The following RCAN2 variants were observed in gnomAD, a reference collection of about 807,000 sequenced individuals.
The protein encoded by RCAN2 is calcipressin-2.
Under a neutral mutation model 23.6 loss-of-function variants are expected in RCAN2, and 9 were observed. The ratio of observed to expected loss-of-function variants is 0.38; its 90% CI spans 0.23 to 0.67. RCAN2 has a LOEUF of 0.67. Ranked by LOEUF, RCAN2 falls within the 30% of genes least tolerant of loss-of-function variation. The probability of loss-of-function intolerance (pLI) is 0.51; values close to 1 mark genes in which losing one functional copy is unlikely to be tolerated. For synonymous variants in RCAN2, 109 were observed against 115.7 expected (o/e 0.94, Z 0.37); for missense variants, 273 against 302.3 (o/e 0.90, Z 0.72).
intron 2 of RCAN2, among the ~76,000 whole-genome samples, chr6:46,273,322 T>C (rs1767577607): frequency 1.3e-5 from 2 of 152,226 alleles, no homozygotes; most frequent in Admixed American, 6.5e-5. Flanking sequence ...GTTTCATCCA[T>C]GAAAACATGT....
At chr6:46,432,955 A>G (rs1767257939) in intron 2 of RCAN2, among the ~76,000 whole-genome samples, 1 of 152,166 alleles carries the variant, frequency 6.6e-6, no homozygotes, top group African/African-American at 2.4e-5. Flanking sequence ...TCATTCCTGA[A>G]TCTTTAAGTA....
intron 4 of RCAN2, among the ~76,000 whole-genome samples, chr6:46,226,077 T>A (rs1765653650): frequency 6.6e-6 from 1 of 152,210 alleles, no homozygotes; most frequent in Non-Finnish European, 1.5e-5. Flanking sequence ...GTCAGGTTTG[T>A]CAAGGATCAG....
intron 2 of RCAN2, among the ~76,000 whole-genome samples, chr6:46,428,907 C>G (rs1447628611): frequency 6.6e-6 from 1 of 152,064 alleles, no homozygotes; most frequent in Non-Finnish European, 1.5e-5. Flanking sequence ...TGGTTTATAC[C>G]TTGTTATATT....
At chr6:46,349,150 T>A (rs1764574995) in intron 2 of RCAN2, among the ~76,000 whole-genome samples, 1 of 152,222 alleles carries the variant, frequency 6.6e-6, no homozygotes, top group South Asian at 2.1e-4. Flanking sequence ...TCACAGCTTT[T>A]ATTGTGCATT....
intron 2 of RCAN2, among the ~76,000 whole-genome samples, chr6:46,399,993 G>C (rs1164712474): frequency 6.6e-6 from 1 of 152,176 alleles, no homozygotes; most frequent in African/African-American, 2.4e-5. Context: ...GCACTCATGT[G>C]TCTCACAGAT....
intron 1 of RCAN2, among the ~76,000 whole-genome samples, chr6:46,485,513 AG>A: frequency 6.6e-6 from 1 of 152,316 alleles, no homozygotes; most frequent in East Asian, 1.9e-4. Flanking sequence ...CATATGTCCA[AG>A]AAAAAAAACA....
At chr6:46,336,105 C>T (rs1764132485) in intron 2 of RCAN2, among the ~76,000 whole-genome samples, 2 of 152,190 alleles carry the variant, frequency 1.3e-5, no homozygotes, top group South Asian at 4.1e-4. Context: ...AACACATCTG[C>T]ACTTTGGAAA....
chr6:46,410,326 C>A (rs1395647771), intron 2 of RCAN2, among the ~76,000 whole-genome samples: 1 of 152,176 alleles, frequency 6.6e-6, no homozygotes, highest in Non-Finnish European at 1.5e-5. Flanking sequence ...CCCACTCATT[C>A]ATCCATCTAT....
At chr6:46,334,069 C>T (rs1764066986) in intron 2 of RCAN2, among the ~76,000 whole-genome samples, 1 of 152,198 alleles carries the variant, frequency 6.6e-6, no homozygotes, top group African/African-American at 2.4e-5. Context: ...AACACTATTC[C>T]CATCATTGTG....
At chr6:46,458,900 T>C (rs9381453) in intron 1 of RCAN2, among the ~76,000 whole-genome samples, 2,276 of 119,402 alleles carry the variant, frequency 0.019, 54 homozygotes, top group African/African-American at 0.059. Flanking sequence ...CGCGCACGTG[T>C]GTGTGTGTGT....
At chr6:46,378,785 C>G (rs1034391931) in intron 2 of RCAN2, among the ~76,000 whole-genome samples, 1 of 152,158 alleles carries the variant, frequency 6.6e-6, no homozygotes, top group Admixed American at 6.5e-5. Context: ...ATTAAAGACA[C>G]TAAACCCAGA....
chr6:46,235,121 G>T (rs1302872139), intron 4 of RCAN2, among the ~76,000 whole-genome samples: 1 of 152,184 alleles, frequency 6.6e-6, no homozygotes, highest in Non-Finnish European at 1.5e-5. Flanking sequence ...GTATGATTAT[G>T]CAAAGTTTAT....
intron 2 of RCAN2, among the ~76,000 whole-genome samples, chr6:46,261,885 C>T (rs1453574146): frequency 9.2e-5 from 14 of 152,164 alleles, no homozygotes; most frequent in Non-Finnish European, 1.5e-5. Flanking sequence ...GGGTAATTGC[C>T]TTCAATCCTT....
intron 2 of RCAN2, among the ~76,000 whole-genome samples, chr6:46,341,248 C>A (rs1477956314): frequency 6.6e-6 from 1 of 152,156 alleles, no homozygotes; most frequent in African/African-American, 2.4e-5. Flanking sequence ...GCAGAGCCAT[C>A]AAATGACTTG....
At chr6:46,421,845 T>C (rs922525706) in intron 2 of RCAN2, among the ~76,000 whole-genome samples, 3 of 152,140 alleles carry the variant, frequency 2.0e-5, no homozygotes, top group African/African-American at 7.2e-5. Context: ...ACTCAATAAA[T>C]GGCTAATGAA....
chr6:46,443,065 T>C (rs6907686), intron 2 of RCAN2, among the ~76,000 whole-genome samples: 2,828 of 152,284 alleles, frequency 0.019, 80 homozygotes, highest in African/African-American at 0.065. Context: ...CAGAGTACAA[T>C]GATATGCCCT....
intron 1 of RCAN2, among the ~76,000 whole-genome samples, chr6:46,484,345 T>C (rs779706855): frequency 6.6e-6 from 1 of 152,214 alleles, no homozygotes; most frequent in Non-Finnish European, 1.5e-5. Flanking sequence ...GTTATCTTAG[T>C]GATTTATTCA....
intron 2 of RCAN2, among the ~76,000 whole-genome samples, chr6:46,354,309 G>T (rs959285624): frequency 1.1e-4 from 16 of 149,558 alleles, no homozygotes; most frequent in African/African-American, 3.9e-4. Flanking sequence ...TTCGGCAGAA[G>T]TTTTCAACTC....
At chr6:46,341,359 C>T (rs1764312568) in intron 2 of RCAN2, among the ~76,000 whole-genome samples, 2 of 152,080 alleles carry the variant, frequency 1.3e-5, no homozygotes, top group South Asian at 4.2e-4. Flanking sequence ...TGTCTTGGGC[C>T]ACACATAAAA....
Sources: allele counts gnomAD v4.1 joint callset (sites outside exome capture counted in the v4.1 genomes callset), GRCh38; gene constraint gnomAD v4.1.1; transcripts MANE v1.5; gene names NCBI Gene and HGNC (gene_info 2026-07-23, HGNC 2026-07-21).